Variants in GNAQ observed in about 807,000 individuals in gnomAD.
GNAQ encodes the protein guanine nucleotide-binding protein G(q) subunit alpha.
A neutral mutation model predicts 43.9 loss-of-function variants in GNAQ; 8 were observed. The observed-to-expected ratio is 0.18, with a 90% CI of 0.11 to 0.33. GNAQ has a LOEUF of 0.33. GNAQ is among the 10% of genes least tolerant of loss of function. GNAQ has a pLI of 1.00. For missense variants in GNAQ, 158 were observed against 450.8 expected (o/e 0.35, Z 5.88); for synonymous variants, 155 against 170.7 (o/e 0.91, Z 0.71).
chr9:77,997,214 A>C (rs1226379475), intron 1 of GNAQ, among the ~76,000 whole-genome samples: 1 of 152,210 alleles, frequency 6.6e-6, no homozygotes, highest in Non-Finnish European at 1.5e-5. Flanking sequence ...CCCAGCAAGC[A>C]TTTTAACAGT....
chr9:77,888,122 G>C (rs1345423354), intron 2 of GNAQ, among the ~76,000 whole-genome samples: 1 of 152,160 alleles, frequency 6.6e-6, no homozygotes, highest in Admixed American at 6.5e-5. Context: ...CTTTCTGATG[G>C]CTAATGGAAT....
chr9:77,788,110 AG>A (rs1826512874), intron 5 of GNAQ, among the ~76,000 whole-genome samples: 1 of 152,206 alleles, frequency 6.6e-6, no homozygotes, highest in South Asian at 2.1e-4. Context: ...CAAACCATGT[AG>A]TGACAGATAA....
intron 3 of GNAQ, among the ~76,000 whole-genome samples, chr9:77,809,323 G>C (rs1826877930): frequency 6.6e-6 from 1 of 152,202 alleles, no homozygotes. Flanking sequence ...CAGTAGACTA[G>C]CCAAAGCCTG....
At chr9:77,907,015 T>C (rs1828720596) in intron 2 of GNAQ, among the ~76,000 whole-genome samples, 1 of 152,218 alleles carries the variant, frequency 6.6e-6, no homozygotes. Flanking sequence ...ACAATGAACA[T>C]ATTTATCTTT....
chr9:77,891,924 C>T (rs1828410862), intron 2 of GNAQ, among the ~76,000 whole-genome samples: 3 of 152,152 alleles, frequency 2.0e-5, no homozygotes, highest in South Asian at 2.1e-4. Flanking sequence ...GCCAGGTCAT[C>T]GCCCCAGGCA....
intron 1 of GNAQ, among the ~76,000 whole-genome samples, chr9:78,015,747 T>C (rs1423134721): frequency 6.6e-6 from 1 of 151,972 alleles, no homozygotes; most frequent in Admixed American, 6.6e-5. Context: ...ATTTAAACTA[T>C]ATTAAACAAT....
chr9:77,736,154 G>A (rs1004218344), intron 5 of GNAQ, among the ~76,000 whole-genome samples: 4 of 152,154 alleles, frequency 2.6e-5, no homozygotes, highest in Non-Finnish European at 4.4e-5. Flanking sequence ...ATAGAAAACT[G>A]GAAAGTCATC....
At chr9:78,023,343 A>G (rs1265165821) in intron 1 of GNAQ, among the ~76,000 whole-genome samples, 3 of 152,230 alleles carry the variant, frequency 2.0e-5, no homozygotes, top group African/African-American at 7.2e-5. Context: ...TGTCTCACAG[A>G]AGCACCAACT....
intron 2 of GNAQ, among the ~76,000 whole-genome samples, chr9:77,879,058 C>T (rs1419800308): frequency 6.6e-6 from 1 of 150,812 alleles, no homozygotes; most frequent in East Asian, 1.9e-4. Context: ...AAAAACAAAA[C>T]AAACAAATTT....
chr9:77,950,752 T>A (rs1264574552), intron 1 of GNAQ, among the ~76,000 whole-genome samples: 1 of 152,124 alleles, frequency 6.6e-6, no homozygotes, highest in African/African-American at 2.4e-5. Flanking sequence ...ACAAGGATAA[T>A]CACTACAATG....
chr9:77,830,932 C>T (rs1827288544), intron 2 of GNAQ, among the ~76,000 whole-genome samples: 1 of 152,058 alleles, frequency 6.6e-6, no homozygotes, highest in African/African-American at 2.4e-5. Context: ...GAGTTTTTAA[C>T]CCATTTGTTA....
chr9:77,873,725 T>A (rs945249345), intron 2 of GNAQ, among the ~76,000 whole-genome samples: 1 of 152,250 alleles, frequency 6.6e-6, no homozygotes, highest in African/African-American at 2.4e-5. Context: ...AGCAGCTCTG[T>A]GCATAGGCAA....
At chr9:78,030,991 G>T in intron 1 of GNAQ, 109 bp downstream of exon 1, 1 of 787,716 alleles carries the variant, frequency 1.3e-6, no homozygotes, top group Non-Finnish European at 1.7e-6. Context: ...GAGGGTAGGG[G>T]CGAACCGCGG....
chr9:77,728,808 T>C (rs1175544109), intron 5 of GNAQ, 141 bp from the exon 6 acceptor site: 1 of 614,462 alleles, frequency 1.6e-6, no homozygotes, highest in Non-Finnish European at 2.9e-6. Flanking sequence ...TTGTCAGGAT[T>C]TATATGCAAA....
At chr9:77,867,036 T>C (rs901899597) in intron 2 of GNAQ, among the ~76,000 whole-genome samples, 18 of 152,106 alleles carry the variant, frequency 1.2e-4, no homozygotes. Flanking sequence ...TAAGACAGAG[T>C]GTGTTCTGAA....
At chr9:77,767,802 T>C (rs955828475) in intron 5 of GNAQ, among the ~76,000 whole-genome samples, 6 of 152,276 alleles carry the variant, frequency 3.9e-5, no homozygotes, top group African/African-American at 1.4e-4. Context: ...ATCCTGACAC[T>C]TAACACAGGT....
chr9:77,762,307 A>G (rs1826050829), intron 5 of GNAQ, among the ~76,000 whole-genome samples: 1 of 142,280 alleles, frequency 7.0e-6, no homozygotes, highest in South Asian at 2.3e-4. Context: ...TGGGGGGGTC[A>G]GCCCCCCGCC....
Position 77,797,618 on chromosome 9 carries a change from G to T in GNAQ, c.507C>A (p.Asp169Glu). Residue 169 changes from aspartate to glutamate, a missense_variant, in exon 4 of 7, where the codon GAC (aspartate) becomes GAA (glutamate). Around this residue, in one of 9 missense-constraint regions of GNAQ, gnomAD observed 14 missense variants for 16.3 expected, o/e 0.86. Transcript: ENST00000286548. ...CTTGTTGCGTAGGCAGGTAGGCAGGGTCAGCTACGCGGTCCAAGTCATTAA... is the reference window on the plus strand; with the variant it reads ...CTTGTTGCGTAGGCAGGTAGGCAGGTTCAGCTACGCGGTCCAAGTCATTAA... Reference protein sequence around the residue: ...YYLNDLDRVADPAYLPTQQDV... With the variant: ...YYLNDLDRVAEPAYLPTQQDV... 6.2e-7 allele frequency: 1 copy of T among 1,613,600 alleles called. No homozygotes were observed. The highest frequency in any genetic ancestry group is 1.1e-5 in the South Asian group (1 of 91,030).
intron 1 of GNAQ, among the ~76,000 whole-genome samples, chr9:77,941,369 C>T (rs970141673): frequency 6.6e-6 from 1 of 152,028 alleles, no homozygotes; most frequent in African/African-American, 2.4e-5. Flanking sequence ...CCTGCCTCAG[C>T]CTCCCAAGTA....
Sources: gnomAD v4.1 joint callset for allele counts (sites outside exome capture counted in the v4.1 genomes callset) on GRCh38, gnomAD v4.1.1 for gene constraint, gnomAD v4.1.1 regional missense constraint, MANE v1.5 for transcripts, NCBI Gene and HGNC (gene_info 2026-07-23, HGNC 2026-07-21) for gene names.